CLSTN2: variants seen among roughly 807,000 people sequenced by gnomAD.
CLSTN2 encodes calsyntenin 2, also known as calsyntenin-2.
CLSTN2 carries 48 observed loss-of-function variants against 101.2 expected under a neutral mutation model. That is an observed-to-expected ratio of 0.47 (90% CI 0.38 to 0.60). CLSTN2 has a LOEUF of 0.60. Among genes scored for constraint, CLSTN2 ranks in the 20% least tolerant of loss-of-function variants. CLSTN2 has a pLI of 0.00. For missense variants in CLSTN2, 1,160 were observed against 1,238.2 expected (o/e 0.94, Z 0.95); for synonymous variants, 481 against 463.6 (o/e 1.04, Z -0.48).
chr3:140,427,247 A>G (rs1222638170), intron 5 of CLSTN2, among the ~76,000 whole-genome samples: 5 of 139,404 alleles, frequency 3.6e-5, no homozygotes, highest in African/African-American at 1.4e-4. Context: ...ATATATATAC[A>G]TATATATATA....
chr3:140,163,419 TACACACACACACACACAC>T (rs60464575), intron 1 of CLSTN2, among the ~76,000 whole-genome samples: 1 of 145,034 alleles, frequency 6.9e-6, no homozygotes, highest in African/African-American at 2.5e-5. Flanking sequence ...TTTCTATCTC[TACACACACACACACACAC>T]ACACACACAC....
chr3:140,250,190 G>A (rs778945025), intron 2 of CLSTN2, among the ~76,000 whole-genome samples: 1 of 152,224 alleles, frequency 6.6e-6, no homozygotes, highest in African/African-American at 2.4e-5. Context: ...CGCAGCAAAT[G>A]TGTCCTGAGG....
chr3:140,284,723 T>C (rs1329491297), intron 2 of CLSTN2, among the ~76,000 whole-genome samples: 2 of 152,146 alleles, frequency 1.3e-5, no homozygotes, highest in African/African-American at 4.8e-5. Flanking sequence ...TACATTTGTC[T>C]ATGTGAAGAC....
intron 1 of CLSTN2, among the ~76,000 whole-genome samples, chr3:140,130,321 T>C (rs1347821843): frequency 6.6e-6 from 1 of 152,166 alleles, no homozygotes; most frequent in Non-Finnish European, 1.5e-5. Context: ...TGCAATCACA[T>C]TGGAAAGAAG....
intron 2 of CLSTN2, among the ~76,000 whole-genome samples, chr3:140,363,331 G>C (rs889098663): frequency 1.3e-5 from 2 of 152,044 alleles, no homozygotes; most frequent in East Asian, 1.9e-4. Context: ...TGGAACTAGG[G>C]GTGAGAGCCC....
chr3:140,225,583 C>T (rs1433688443), intron 2 of CLSTN2, among the ~76,000 whole-genome samples: 6 of 152,236 alleles, frequency 3.9e-5, no homozygotes, highest in East Asian at 3.9e-4. Context: ...CTGCAACCTC[C>T]GCCTCCCGGG....
At chr3:140,356,293 A>G (rs891640482) in intron 2 of CLSTN2, among the ~76,000 whole-genome samples, 1 of 152,212 alleles carries the variant, frequency 6.6e-6, no homozygotes, top group Admixed American at 6.5e-5. Flanking sequence ...CAGAGCAGAG[A>G]TCACCCCATT....
At chr3:140,297,407 T>C (rs1559831906) in intron 2 of CLSTN2, among the ~76,000 whole-genome samples, 1 of 152,238 alleles carries the variant, frequency 6.6e-6, no homozygotes, top group Non-Finnish European at 1.5e-5. Context: ...ATGCCTTTGT[T>C]ACTACATCTT....
intron 8 of CLSTN2, among the ~76,000 whole-genome samples, chr3:140,521,520 T>C (rs1196874267): frequency 6.6e-6 from 1 of 152,158 alleles, no homozygotes; most frequent in African/African-American, 2.4e-5. Context: ...TGCAGTTTAG[T>C]GACCTGTTGT....
intron 2 of CLSTN2, among the ~76,000 whole-genome samples, chr3:140,275,476 T>C (rs1168184893): frequency 6.6e-6 from 1 of 152,126 alleles, no homozygotes; most frequent in Non-Finnish European, 1.5e-5. Context: ...CTTGCTATGT[T>C]GCCCAGGCTG....
chr3:140,473,371 T>A (rs1439666650), intron 8 of CLSTN2, among the ~76,000 whole-genome samples: 2 of 152,142 alleles, frequency 1.3e-5, no homozygotes, highest in Non-Finnish European at 2.9e-5. Context: ...CAGAAAGCTG[T>A]GAATATGTGG....
At chr3:140,083,500 G>A (rs189005303) in intron 1 of CLSTN2, among the ~76,000 whole-genome samples, 39 of 152,346 alleles carry the variant, frequency 2.6e-4, no homozygotes, top group African/African-American at 9.1e-4. Context: ...GTCTTCCCGA[G>A]CAGCAAGTTC....
chr3:139,941,711 C>T (rs1935134710), intron 1 of CLSTN2, among the ~76,000 whole-genome samples: 3 of 152,098 alleles, frequency 2.0e-5, no homozygotes, highest in Admixed American at 2.0e-4. Context: ...CAGGGGTTTG[C>T]ACTGGACAGG....
intron 2 of CLSTN2, among the ~76,000 whole-genome samples, chr3:140,272,465 A>G (rs547103479): frequency 1.3e-5 from 2 of 152,298 alleles, no homozygotes; most frequent in Admixed American, 1.3e-4. Context: ...AATTAGAATG[A>G]CTGGTCGGGT....
At chr3:140,403,552 A>C (rs906371315) in intron 2 of CLSTN2, 77 bp from the exon 3 acceptor site, 5 of 1,244,366 alleles carry the variant, frequency 4.0e-6, no homozygotes, top group African/African-American at 1.5e-5. Flanking sequence ...GAGTTTGTGA[A>C]TCTGGTCCAA....
At chr3:140,069,896 T>C (rs2008362066) in intron 1 of CLSTN2, among the ~76,000 whole-genome samples, 1 of 152,112 alleles carries the variant, frequency 6.6e-6, no homozygotes, top group Non-Finnish European at 1.5e-5. Flanking sequence ...CAAGGCTATA[T>C]GGGAAGGAAG....
intron 1 of CLSTN2, among the ~76,000 whole-genome samples, chr3:139,936,289 G>A (rs1935018546): frequency 2.0e-5 from 3 of 152,204 alleles, no homozygotes; most frequent in African/African-American, 7.2e-5. Flanking sequence ...TCTGGGGTGG[G>A]GGGCCGGGTC....
At chr3:140,263,022 AG>A (rs1236939717) in intron 2 of CLSTN2, among the ~76,000 whole-genome samples, 1 of 152,066 alleles carries the variant, frequency 6.6e-6, no homozygotes, top group Non-Finnish European at 1.5e-5. Context: ...AGTGTTCCTG[AG>A]GTACTTGACC....
intron 2 of CLSTN2, among the ~76,000 whole-genome samples, chr3:140,240,293 CATAT>C (rs1175836591): frequency 8.8e-5 from 1 of 11,340 alleles, no homozygotes; most frequent in African/African-American, 1.3e-4. Flanking sequence ...CATATATACA[CATAT>C]ATATATATAC....
Sources: gnomAD v4.1 joint callset for allele counts (sites outside exome capture counted in the v4.1 genomes callset) on GRCh38, gnomAD v4.1.1 for gene constraint, MANE v1.5 for transcripts, NCBI Gene and HGNC (gene_info 2026-07-23, HGNC 2026-07-21) for gene names.